SLC44A5: variants seen among roughly 807,000 people sequenced by gnomAD.
SLC44A5 encodes choline transporter-like protein 5.
A neutral mutation model predicts 101.8 loss-of-function variants in SLC44A5; 57 were observed. That is an observed-to-expected ratio of 0.56 (90% CI 0.45 to 0.70). The LOEUF is 0.70. SLC44A5 is among the 30% of genes least tolerant of loss of function. SLC44A5 has a pLI of 0.00. For missense variants in SLC44A5, 737 were observed against 853.1 expected (o/e 0.86, Z 1.70); for synonymous variants, 281 against 290.9 (o/e 0.97, Z 0.35).
At chr1:75,214,787 G>C (rs1646929052) in intron 19 of SLC44A5, 109 bp from the exon 20 acceptor site, 1 of 802,872 alleles carries the variant, frequency 1.2e-6, no homozygotes, top group African/African-American at 1.7e-5. Flanking sequence ...CATTTGTAGA[G>C]CTATCTCCAC....
chr1:75,712,741 C>CA, the SLC44A5 span, among the ~76,000 whole-genome samples: 1 of 129,726 alleles, frequency 7.7e-6, no homozygotes, highest in Non-Finnish European at 1.7e-5. Flanking sequence ...AATCAGGTAC[C>CA]AAAAAATGCT....
chr1:75,276,846 T>C (rs1453877987), intron 5 of SLC44A5, among the ~76,000 whole-genome samples: 1 of 152,104 alleles, frequency 6.6e-6, no homozygotes, highest in Non-Finnish European at 1.5e-5. Flanking sequence ...GGAATACTGT[T>C]GCGGGCAGCT....
intron 2 of SLC44A5, among the ~76,000 whole-genome samples, chr1:75,397,641 C>T (rs544515271): frequency 2.6e-5 from 4 of 152,240 alleles, no homozygotes; most frequent in African/African-American, 9.6e-5. Flanking sequence ...ACAAGCCTTG[C>T]AGTAGTTACA....
At chr1:75,349,152 C>T (rs1290798956) in intron 3 of SLC44A5, among the ~76,000 whole-genome samples, 1 of 152,052 alleles carries the variant, frequency 6.6e-6, no homozygotes, top group Admixed American at 6.6e-5. Flanking sequence ...GAGTTCTAGA[C>T]ATGGTGAAAC....
chr1:75,490,106 T>C (rs2101807275), intron 2 of SLC44A5, among the ~76,000 whole-genome samples: 1 of 152,226 alleles, frequency 6.6e-6, no homozygotes, highest in East Asian at 1.9e-4. Context: ...GTCTCTCTAA[T>C]ATTTGTCTAT....
At chr1:75,662,894 T>A in the SLC44A5 span, among the ~76,000 whole-genome samples, 1 of 152,116 alleles carries the variant, frequency 6.6e-6, no homozygotes, top group Admixed American at 6.6e-5. Context: ...TTTCAATGTA[T>A]TCAAAACAAA....
At chr1:75,536,627 G>GGAAGAAA (rs1671026970) in intron 2 of SLC44A5, among the ~76,000 whole-genome samples, 1 of 35,502 alleles carries the variant, frequency 2.8e-5, no homozygotes, top group Non-Finnish European at 6.9e-5. Flanking sequence ...GAAAAGAAAA[G>GGAAGAAA]AAAGAAAAAA....
intron 2 of SLC44A5, among the ~76,000 whole-genome samples, chr1:75,485,252 C>A (rs1394112286): frequency 6.6e-6 from 1 of 152,212 alleles, no homozygotes; most frequent in African/African-American, 2.4e-5. Flanking sequence ...TTCAGACAAT[C>A]TCTTTGTGAA....
intron 1 of SLC44A5, among the ~76,000 whole-genome samples, chr1:75,592,526 A>G (rs1286215037): frequency 6.6e-6 from 1 of 152,120 alleles, no homozygotes. Context: ...CAGAAGGCCC[A>G]GAATAGCCAA....
chr1:75,537,752 T>A (rs1158446487), intron 2 of SLC44A5, among the ~76,000 whole-genome samples: 3 of 152,358 alleles, frequency 2.0e-5, no homozygotes, highest in African/African-American at 7.2e-5. Context: ...ATGATGTATA[T>A]AAAGAATTGT....
the SLC44A5 span, among the ~76,000 whole-genome samples, chr1:75,652,698 G>A: frequency 6.6e-6 from 1 of 152,184 alleles, no homozygotes; most frequent in Non-Finnish European, 1.5e-5. Context: ...GGAGGCTGAG[G>A]CAGAAGGATG....
intron 1 of SLC44A5, among the ~76,000 whole-genome samples, chr1:75,570,575 C>G (rs1221282166): frequency 6.6e-6 from 1 of 152,120 alleles, no homozygotes; most frequent in Admixed American, 6.5e-5. Context: ...ATCCCAACAC[C>G]TATTTTTGCA....
chr1:75,691,534 G>T, the SLC44A5 span, among the ~76,000 whole-genome samples: 1 of 152,136 alleles, frequency 6.6e-6, no homozygotes, highest in East Asian at 1.9e-4. Flanking sequence ...AGAAAAACTT[G>T]TAAGGCCACG....
chr1:75,691,864 C>T, the SLC44A5 span, among the ~76,000 whole-genome samples: 1 of 152,186 alleles, frequency 6.6e-6, no homozygotes, highest in Non-Finnish European at 1.5e-5. Flanking sequence ...GCCTCACTCT[C>T]ATGATCTTAT....
chr1:75,283,789 G>T (rs567787341), intron 5 of SLC44A5, among the ~76,000 whole-genome samples: 1 of 151,638 alleles, frequency 6.6e-6, no homozygotes, highest in Non-Finnish European at 1.5e-5. Context: ...TTGCTTTGTC[G>T]AAGATCAGTT....
intron 1 of SLC44A5, among the ~76,000 whole-genome samples, chr1:75,556,983 C>A (rs1036729931): frequency 6.6e-6 from 1 of 152,096 alleles, no homozygotes; most frequent in African/African-American, 2.4e-5. Context: ...CTGGCTGAAT[C>A]CCCTAGCTTC....
intron 1 of SLC44A5, chr1:75,582,142 G>A (rs950141678): frequency 5.3e-6 from 4 of 754,924 alleles, no homozygotes; most frequent in Admixed American, 3.6e-5. Context: ...TCCCGAATAT[G>A]GCACAGAAAT....
chr1:75,323,977 A>T (rs1370619849), intron 4 of SLC44A5, among the ~76,000 whole-genome samples: 1 of 152,168 alleles, frequency 6.6e-6, no homozygotes, highest in African/African-American at 2.4e-5. Context: ...CAGCTTCCCT[A>T]CTGTGCACAA....
intron 23 of SLC44A5, among the ~76,000 whole-genome samples, chr1:75,206,889 C>T (rs1191537483): frequency 6.6e-6 from 1 of 152,058 alleles, no homozygotes; most frequent in African/African-American, 2.4e-5. Context: ...AGGTAAGAAA[C>T]CTCAACCTCT....
Sources: gnomAD v4.1 joint callset for allele counts (sites outside exome capture counted in the v4.1 genomes callset) on GRCh38, gnomAD v4.1.1 for gene constraint, MANE v1.5 for transcripts, NCBI Gene and HGNC (gene_info 2026-07-23, HGNC 2026-07-21) for gene names.